Variants in AKT3 observed in about 807,000 individuals in gnomAD.
AKT3 encodes RAC-gamma serine/threonine-protein kinase.
In AKT3, 15 loss-of-function variants were observed where a neutral mutation model predicts 65.3. The observed-to-expected ratio is 0.23, with a 90% CI of 0.15 to 0.35. AKT3 has a LOEUF of 0.35. AKT3 is among the 10% of genes least tolerant of loss of function. AKT3 has a pLI of 1.00. For missense variants in AKT3, 243 were observed against 576.5 expected (o/e 0.42, Z 5.92); for synonymous variants, 206 against 183.8 (o/e 1.12, Z -0.98).
chr1:243,625,073 C>G (rs1679048783), intron 6 of AKT3: 1 of 288,724 alleles, frequency 3.5e-6, no homozygotes, highest in South Asian at 4.5e-5. Context: ...CCTTTCCCCA[C>G]TTTAGAGACA....
rs574496454 is a variant in AKT3 at position 243,667,538 on chromosome 1, A to G, written c.173-2655T>C. Among the ~76,000 whole-genome samples, 51 of 152,266 alleles carry G rather than the reference A, an allele frequency of 3.3e-4. 2 individuals carry two copies. In the South Asian group the frequency reaches 0.01, roughly 31 times the overall value. ...ACTTTAAAAACATAACCAGCTTCTG[A>G]TAACTTCTCACCACCTCCACTACCT... is the stretch of plus-strand genomic sequence containing the variant. On this transcript the variant is annotated intron_variant, in intron 3 of 13. Transcript: ENST00000673466.
intron 2 of AKT3, among the ~76,000 whole-genome samples, chr1:243,720,417 C>A (rs1572225521): frequency 4.3e-5 from 5 of 116,352 alleles, no homozygotes; most frequent in East Asian, 4.9e-4. Context: ...TTGATGAGAC[C>A]AAAAGACATA....
rs185520525 is a variant in AKT3, at chr1:243,686,006, T to C, written c.172+9585A>G. Among the ~76,000 whole-genome samples the C allele has an allele frequency of 5.5e-3, 836 of 152,260 alleles. 6 individuals are homozygous for C. Among genetic ancestry groups the C allele is most frequent in the Non-Finnish European group, 9.3e-3 (632 of 68,022 alleles). ...ATCATGAGTGAACTCCTATTCACAA[T>C]TGCTACAAAGAGAACAAAATACCTA... On this transcript the variant is annotated intron_variant, in intron 3 of 13. Transcript: ENST00000673466.
chr1:243,677,495 T>C (rs886489669), intron 3 of AKT3, among the ~76,000 whole-genome samples: 7 of 152,024 alleles, frequency 4.6e-5, no homozygotes, highest in Admixed American at 2.0e-4. Flanking sequence ...TTTTTTCTCA[T>C]AAAATGTATA....
At chr1:243,706,357 A>C (rs145774460) in intron 2 of AKT3, among the ~76,000 whole-genome samples, 1 of 152,320 alleles carries the variant, frequency 6.6e-6, no homozygotes, top group East Asian at 1.9e-4. Context: ...CTACAGCACT[A>C]ACTGGGAGTT....
At chr1:243,576,965 G>A (rs1013781865) in intron 8 of AKT3, among the ~76,000 whole-genome samples, 2 of 152,156 alleles carry the variant, frequency 1.3e-5, no homozygotes, top group Middle Eastern at 3.2e-3. Flanking sequence ...CACACTACCT[G>A]ACTTCAAACT....
At chr1:243,606,829 C>A (rs571306348) in intron 8 of AKT3, among the ~76,000 whole-genome samples, 3 of 152,336 alleles carry the variant, frequency 2.0e-5, no homozygotes, top group South Asian at 4.1e-4. Context: ...AAGCAGGGCC[C>A]CCCAACCCGG....
At chr1:243,526,273 C>T (rs1235193754) in intron 12 of AKT3, among the ~76,000 whole-genome samples, 2 of 152,082 alleles carry the variant, frequency 1.3e-5, no homozygotes, top group African/African-American at 2.4e-5. Context: ...CGTGTTAATT[C>T]GTACCGCCTG....
chr1:243,846,908 A>T (rs1695544601), intron 1 of AKT3, among the ~76,000 whole-genome samples: 1 of 152,222 alleles, frequency 6.6e-6, no homozygotes, highest in Middle Eastern at 3.2e-3. Context: ...TGTTTGAAAG[A>T]TTAAATGAAT....
chr1:243,709,873 G>A (rs1426456897), intron 2 of AKT3, among the ~76,000 whole-genome samples: 1 of 151,996 alleles, frequency 6.6e-6, no homozygotes, highest in Non-Finnish European at 1.5e-5. Flanking sequence ...TAAGTGACTT[G>A]CTTGGCCAAA....
chr1:243,727,281 G>C (rs1333129694), intron 2 of AKT3, among the ~76,000 whole-genome samples: 1 of 152,096 alleles, frequency 6.6e-6, no homozygotes, highest in African/African-American at 2.4e-5. Flanking sequence ...AATACCAAAA[G>C]TAAGTTAGTT....
intron 2 of AKT3, among the ~76,000 whole-genome samples, chr1:243,768,321 A>T (rs1270969038): frequency 6.6e-6 from 1 of 152,154 alleles, no homozygotes; most frequent in African/African-American, 2.4e-5. Context: ...GTTAATTTTA[A>T]CTGATATATT....
chr1:243,495,182 C>T (rs1667477804), downstream of AKT3, among the ~76,000 whole-genome samples: 1 of 152,242 alleles, frequency 6.6e-6, no homozygotes, highest in Non-Finnish European at 1.5e-5. Flanking sequence ...GGACAGGTGG[C>T]ACCGCAGAGC....
intron 2 of AKT3, among the ~76,000 whole-genome samples, chr1:243,711,949 T>A (rs1686186523): frequency 6.6e-6 from 1 of 152,214 alleles, no homozygotes; most frequent in Non-Finnish European, 1.5e-5. Flanking sequence ...ATATCATTAA[T>A]AAAGCATAGA....
chr1:243,845,882 T>G (rs1263090016), intron 1 of AKT3, among the ~76,000 whole-genome samples: 4 of 152,094 alleles, frequency 2.6e-5, no homozygotes, highest in African/African-American at 9.7e-5. Flanking sequence ...CCAAGAAACT[T>G]GAGTCCCTGC....
At chr1:243,729,213 G>C (rs960961755) in intron 2 of AKT3, among the ~76,000 whole-genome samples, 4 of 152,148 alleles carry the variant, frequency 2.6e-5, no homozygotes, top group African/African-American at 9.7e-5. Flanking sequence ...AAGAGAAGCA[G>C]AAATAGAGGC....
chr1:243,545,301 T>C (rs933492635), intron 12 of AKT3, among the ~76,000 whole-genome samples: 2 of 152,186 alleles, frequency 1.3e-5, no homozygotes, highest in African/African-American at 4.8e-5. Context: ...AATTCTGTGA[T>C]CATGTTGAGC....
intron 12 of AKT3, among the ~76,000 whole-genome samples, chr1:243,544,961 G>A (rs1316388343): frequency 1.3e-5 from 2 of 151,782 alleles, no homozygotes; most frequent in South Asian, 2.1e-4. Flanking sequence ...GCCTCCCAAA[G>A]TGCTGGGATT....
At chr1:243,650,196 C>T (rs1300405672) in intron 4 of AKT3, among the ~76,000 whole-genome samples, 1 of 152,170 alleles carries the variant, frequency 6.6e-6, no homozygotes, top group Non-Finnish European at 1.5e-5. Flanking sequence ...CATTTGTTGG[C>T]TGCATAAATG....
Sources: gnomAD v4.1 joint callset for allele counts (sites outside exome capture counted in the v4.1 genomes callset) on GRCh38, gnomAD v4.1.1 for gene constraint, MANE v1.5 for transcripts, NCBI Gene and HGNC (gene_info 2026-07-23, HGNC 2026-07-21) for gene names.